ARID5B: variants seen among roughly 807,000 people sequenced by gnomAD.
ARID5B encodes AT-rich interaction domain 5B.
Under a neutral mutation model 97.2 loss-of-function variants are expected in ARID5B, and 13 were observed. That is an observed-to-expected ratio of 0.13 (90% CI 0.09 to 0.21). The LOEUF is 0.21. ARID5B is among the 10% of genes least tolerant of loss of function. The probability of loss-of-function intolerance (pLI) is 1.00; values close to 1 mark genes in which losing one functional copy is unlikely to be tolerated. For synonymous variants in ARID5B, 556 were observed against 570.3 expected, an observed-to-expected ratio of 0.97 and a Z score of 0.36; for missense variants, 1,210 against 1,465.3, an observed-to-expected ratio of 0.83 and a Z score of 2.84.
At chr10:61,979,116 C>CTG (rs1253535751) in intron 3 of ARID5B, among the ~76,000 whole-genome samples, 1,599 of 152,266 alleles carry the variant, frequency 0.011, 6 homozygotes, top group Middle Eastern at 0.027. Context: ...CACGGGAGAC[C>CTG]CGAGTACACA....
chr10:62,047,747 T>C (rs1405593951), intron 4 of ARID5B, among the ~76,000 whole-genome samples: 1 of 152,200 alleles, frequency 6.6e-6, no homozygotes, highest in Non-Finnish European at 1.5e-5. Context: ...GCACCTGTTT[T>C]CACTCACTGA....
intron 4 of ARID5B, among the ~76,000 whole-genome samples, chr10:62,010,364 C>T (rs1272998055): frequency 6.6e-6 from 1 of 152,190 alleles, no homozygotes; most frequent in Non-Finnish European, 1.5e-5. Flanking sequence ...CCCCCTCTGC[C>T]TGTTATTAAA....
chr10:62,079,692 G>T (rs1369811974), intron 8 of ARID5B, among the ~76,000 whole-genome samples: 1 of 152,082 alleles, frequency 6.6e-6, no homozygotes, highest in Non-Finnish European at 1.5e-5. Context: ...TTCATTTAGG[G>T]TCACACACAC....
At chr10:62,052,320 C>T (rs1839801181) in intron 5 of ARID5B, among the ~76,000 whole-genome samples, 1 of 152,194 alleles carries the variant, frequency 6.6e-6, no homozygotes. Context: ...TGGTTTCCAT[C>T]GTCTTGAAGG....
chr10:61,997,868 T>C (rs939940772), intron 3 of ARID5B, among the ~76,000 whole-genome samples: 4 of 152,222 alleles, frequency 2.6e-5, no homozygotes, highest in African/African-American at 9.6e-5. Flanking sequence ...GCTTTAGCTG[T>C]ATAAAAAGCA....
At chr10:62,019,290 C>A (rs933114500) in intron 4 of ARID5B, among the ~76,000 whole-genome samples, 9 of 152,160 alleles carry the variant, frequency 5.9e-5, no homozygotes. Context: ...ATTACGTCAG[C>A]CTTCGTTTAA....
intron 2 of ARID5B, among the ~76,000 whole-genome samples, chr10:61,921,736 G>T (rs1038063472): frequency 6.6e-6 from 1 of 152,172 alleles, no homozygotes; most frequent in African/African-American, 2.4e-5. Flanking sequence ...ATTACAGCTG[G>T]CAACAGAGCC....
At chr10:61,928,523 G>A (rs1203308685) in intron 2 of ARID5B, among the ~76,000 whole-genome samples, 2 of 151,958 alleles carry the variant, frequency 1.3e-5, no homozygotes, top group Non-Finnish European at 2.9e-5. Context: ...GAACTCCTGG[G>A]CTCAAGCAAT....
At chr10:61,901,754 C>T in intron 1 of ARID5B, 24 bp downstream of exon 1, 1 of 1,612,506 alleles carries the variant, frequency 6.2e-7, no homozygotes. Flanking sequence ...CTCCGCTCCT[C>T]CGATCCCGGC....
intron 7 of ARID5B, among the ~76,000 whole-genome samples, chr10:62,065,711 T>C (rs1430973080): frequency 6.6e-6 from 1 of 151,812 alleles, no homozygotes; most frequent in Admixed American, 6.6e-5. Flanking sequence ...CCAGGCATGG[T>C]GGCAGTCACC....
chr10:61,989,631 A>C (rs1838894815), intron 3 of ARID5B, among the ~76,000 whole-genome samples: 1 of 152,218 alleles, frequency 6.6e-6, no homozygotes, highest in South Asian at 2.1e-4. Flanking sequence ...AAATTATCTA[A>C]AATTTTTATG....
intron 4 of ARID5B, among the ~76,000 whole-genome samples, chr10:62,034,773 T>A (rs930144920): frequency 3.3e-5 from 5 of 152,262 alleles, no homozygotes; most frequent in African/African-American, 4.8e-5. Flanking sequence ...GTTAAAAATC[T>A]TTATTGGAAT....
At chr10:61,996,891 A>T (rs1026668993) in intron 3 of ARID5B, among the ~76,000 whole-genome samples, 29 of 147,734 alleles carry the variant, frequency 2.0e-4, no homozygotes, top group African/African-American at 5.2e-4. Context: ...AACTGAAAAA[A>T]AAAAATATAT....
chr10:62,027,448 GCAGGAGCCCACC>G (rs1410616908), intron 4 of ARID5B, among the ~76,000 whole-genome samples: 4 of 150,968 alleles, frequency 2.6e-5, no homozygotes, highest in African/African-American at 9.7e-5. Flanking sequence ...AGCTGGGACT[GCAGGAGCCCACC>G]ACCATGCCTG....
intron 2 of ARID5B, among the ~76,000 whole-genome samples, chr10:61,928,001 G>A (rs989777012): frequency 6.6e-6 from 1 of 152,138 alleles, no homozygotes; most frequent in African/African-American, 2.4e-5. Context: ...ACTCATAGAG[G>A]TGCTGGGAGC....
rs181798133 is a variant in ARID5B, at chr10:61,946,778, G to A, written c.502+6370G>A. 7.1e-3 allele frequency among the ~76,000 whole-genome samples: 1,083 copies of A among 152,070 alleles called. 29 individuals are homozygous for A. The highest frequency in any genetic ancestry group is 4.4e-3 in the Non-Finnish European group (300 of 67,992). On this transcript the variant is annotated intron_variant, in intron 3 of 9. Coordinates refer to ENST00000279873, the MANE Select transcript of ARID5B (RefSeq NM_032199.3). ...TCTACTAAAAATATAAAAATTATCCGGGCATGGTGGCATGCGCCTGTAGTC... is the reference window on the plus strand; with the variant it reads ...TCTACTAAAAATATAAAAATTATCCAGGCATGGTGGCATGCGCCTGTAGTC...
At chr10:62,026,052 G>A (rs749206242) in intron 4 of ARID5B, among the ~76,000 whole-genome samples, 3 of 152,212 alleles carry the variant, frequency 2.0e-5, no homozygotes, top group Admixed American at 6.5e-5. Context: ...ATAAGGTGGT[G>A]ATACCACTCA....
chr10:61,954,708 A>G (rs1838367503), intron 3 of ARID5B, among the ~76,000 whole-genome samples: 1 of 152,256 alleles, frequency 6.6e-6, no homozygotes, highest in African/African-American at 2.4e-5. Context: ...TCCTTGTGGT[A>G]TCTATTTATT....
rs1301305764 is a variant in ARID5B at position 62,056,752 on chromosome 10, G to A, written c.847-365G>A. 2.6e-5 allele frequency among the ~76,000 whole-genome samples: 4 copies of A among 152,202 alleles called. No homozygotes were observed. The South Asian group carries it at 8.3e-4, about 32-fold the overall frequency. On this transcript the variant is annotated intron_variant, in intron 5 of 9. Coordinates refer to ENST00000279873, the MANE Select transcript of ARID5B (RefSeq NM_032199.3). Reference sequence around the variant, plus strand: ...AGTCTAAAAGAAGCTGGCATAGTTTGGCAAACTATGACCCACTGGCTGGCA... The same window carrying A: ...AGTCTAAAAGAAGCTGGCATAGTTTAGCAAACTATGACCCACTGGCTGGCA...
Sources: gnomAD v4.1 joint callset for allele counts (sites outside exome capture counted in the v4.1 genomes callset) on GRCh38, gnomAD v4.1.1 for gene constraint, MANE v1.5 for transcripts, NCBI Gene and HGNC (gene_info 2026-07-23, HGNC 2026-07-21) for gene names.